The following BTBD9 variants were observed in gnomAD, a reference collection of about 807,000 sequenced individuals.
BTBD9 encodes BTB domain containing 9, also known as BTB/POZ domain-containing protein 9.
A neutral mutation model predicts 64.3 loss-of-function variants in BTBD9; 49 were observed. That is an observed-to-expected ratio of 0.76 (90% CI 0.61 to 0.97). The LOEUF (loss-of-function observed/expected upper bound fraction) is 0.97. BTBD9 is among the 50% of genes least tolerant of loss of function. The pLI is 0.00. For missense variants in BTBD9, 598 were observed against 762.1 expected (o/e 0.78, Z 2.53); for synonymous variants, 260 against 274.7 (o/e 0.95, Z 0.53).
At position 38,323,675 on chromosome 6, in the gene BTBD9, T is replaced by C. The variant is rs548858599; in HGVS notation, c.1264+21309A>G. Among the ~76,000 whole-genome samples the C allele has an allele frequency of 4.6e-5, 7 of 152,352 alleles. No homozygotes were observed. The East Asian group carries it at 1.3e-3, about 29-fold the overall frequency. ...CATTTTGTACTTATAGTAGGTTAAC[T>C]CTCCCTCCTAGTATTGCTGAGGTCT... On this transcript the variant is annotated intron_variant, in intron 7 of 10. Transcript: ENST00000481247.
chr6:38,187,777 A>T, intron 10 of BTBD9, among the ~76,000 whole-genome samples: 2 of 152,368 alleles, frequency 1.3e-5, no homozygotes, highest in East Asian at 3.9e-4. Context: ...AGTCATAAAC[A>T]TAGCTAAAAA....
chr6:38,500,318 C>T (rs1420840441), intron 6 of BTBD9, among the ~76,000 whole-genome samples: 2 of 151,732 alleles, frequency 1.3e-5, no homozygotes, highest in Non-Finnish European at 2.9e-5. Flanking sequence ...TTAGCCATGC[C>T]AAGAAAACAC....
intron 6 of BTBD9, among the ~76,000 whole-genome samples, chr6:38,488,602 T>A (rs968508440): frequency 6.6e-6 from 1 of 152,198 alleles, no homozygotes; most frequent in African/African-American, 2.4e-5. Context: ...TACAGAGACA[T>A]GCTCTGCAAA....
At chr6:38,266,674 GAAA>G (rs1561947761) in intron 8 of BTBD9, among the ~76,000 whole-genome samples, 1 of 123,104 alleles carries the variant, frequency 8.1e-6, no homozygotes, top group African/African-American at 3.2e-5. Flanking sequence ...AAGAAAGAAA[GAAA>G]GAAGAAAAAG....
At chr6:38,440,124 T>G (rs945776419) in intron 6 of BTBD9, among the ~76,000 whole-genome samples, 1 of 152,158 alleles carries the variant, frequency 6.6e-6, no homozygotes, top group South Asian at 2.1e-4. Flanking sequence ...AAGCTGGATA[T>G]ATAGATTTGG....
intron 7 of BTBD9, among the ~76,000 whole-genome samples, chr6:38,301,036 C>A (rs562574071): frequency 1.1e-4 from 17 of 152,230 alleles, no homozygotes; most frequent in Admixed American, 1.0e-3. Flanking sequence ...TACGTCCCAT[C>A]GATACCTAAT....
At chr6:38,559,178 T>C (rs373803512) in intron 6 of BTBD9, among the ~76,000 whole-genome samples, 5 of 152,350 alleles carry the variant, frequency 3.3e-5, no homozygotes, top group Admixed American at 6.5e-5. Flanking sequence ...GTTCCATTTC[T>C]TCTCGATTTT....
chr6:38,442,017 A>T (rs1769057711), intron 6 of BTBD9, among the ~76,000 whole-genome samples: 1 of 152,128 alleles, frequency 6.6e-6, no homozygotes. Context: ...AAAAGTTCCT[A>T]TTTTAAGGGA....
At chr6:38,493,730 A>T (rs1004810643) in intron 6 of BTBD9, among the ~76,000 whole-genome samples, 2 of 152,214 alleles carry the variant, frequency 1.3e-5, no homozygotes, top group Non-Finnish European at 2.9e-5. Flanking sequence ...GTGGGGATGG[A>T]GCTAGCTGTG....
At chr6:38,465,047 A>G (rs1184612432) in intron 6 of BTBD9, among the ~76,000 whole-genome samples, 1 of 152,160 alleles carries the variant, frequency 6.6e-6, no homozygotes, top group Non-Finnish European at 1.5e-5. Flanking sequence ...TCATGCCTAT[A>G]ATCCCAGAAC....
At chr6:38,403,661 C>T (rs1582373059) in intron 6 of BTBD9, among the ~76,000 whole-genome samples, 1 of 152,174 alleles carries the variant, frequency 6.6e-6, no homozygotes, top group African/African-American at 2.4e-5. Context: ...CTATGGAAAA[C>T]AGTCTGGCAG....
At chr6:38,465,686 CTAAATAAA>C (rs1171469261) in intron 6 of BTBD9, among the ~76,000 whole-genome samples, 3 of 112,240 alleles carry the variant, frequency 2.7e-5, no homozygotes, top group Non-Finnish European at 5.4e-5. Flanking sequence ...GACTCCATCT[CTAAATAAA>C]TAAATAAATA....
intron 6 of BTBD9, among the ~76,000 whole-genome samples, chr6:38,447,988 C>G (rs1457406162): frequency 1.3e-5 from 2 of 152,218 alleles, no homozygotes; most frequent in Non-Finnish European, 2.9e-5. Flanking sequence ...ATTCACATAA[C>G]TCTCCAAAAG....
chr6:38,329,750 T>C (rs1026762776), intron 7 of BTBD9, among the ~76,000 whole-genome samples: 1 of 151,586 alleles, frequency 6.6e-6, no homozygotes, highest in Non-Finnish European at 1.5e-5. Context: ...AGGTCAGGAG[T>C]TCGAGAACAG....
chr6:38,610,534 A>G (rs1162568334), intron 1 of BTBD9, among the ~76,000 whole-genome samples: 1 of 152,206 alleles, frequency 6.6e-6, no homozygotes, highest in Non-Finnish European at 1.5e-5. Flanking sequence ...ACAAATAAAC[A>G]CTGTGGTGGA....
chr6:38,272,975 G>C (rs1337722212), intron 8 of BTBD9, among the ~76,000 whole-genome samples: 1 of 152,164 alleles, frequency 6.6e-6, no homozygotes, highest in Non-Finnish European at 1.5e-5. Flanking sequence ...CTTCTCACAA[G>C]GTTCCTGAGG....
chr6:38,592,098 G>A (rs894571099), intron 4 of BTBD9, among the ~76,000 whole-genome samples: 1 of 151,336 alleles, frequency 6.6e-6, no homozygotes, highest in Non-Finnish European at 1.5e-5. Flanking sequence ...CAGGAGAACC[G>A]CTTGAACCTG....
chr6:38,518,954 A>C lies in BTBD9; in HGVS notation c.1154+58646T>G, dbSNP rs896699588. On this transcript the variant is annotated intron_variant, in intron 6 of 10. Transcript: ENST00000481247. ...ATACCAATTAAAGAAAAAATAAAGG[A>C]GCACAGGTACCCAGAGTAAAGAAAT... is the stretch of plus-strand genomic sequence containing the variant. Among the ~76,000 whole-genome samples the C allele has an allele frequency of 2.0e-5, 3 of 152,334 alleles. No homozygotes were observed. In the East Asian group the frequency reaches 5.8e-4, roughly 29 times the overall value.
At chr6:38,512,910 TG>T (rs2127412227) in intron 6 of BTBD9, among the ~76,000 whole-genome samples, 1 of 152,316 alleles carries the variant, frequency 6.6e-6, no homozygotes, top group South Asian at 2.1e-4. Context: ...GGTGTTAAGA[TG>T]ATGTATAGCC....
Sources: gnomAD v4.1 joint callset for allele counts (sites outside exome capture counted in the v4.1 genomes callset) on GRCh38, gnomAD v4.1.1 for gene constraint, MANE v1.5 for transcripts, NCBI Gene and HGNC (gene_info 2026-07-23, HGNC 2026-07-21) for gene names.